Variants in ABAT observed in about 807,000 individuals in gnomAD.
ABAT encodes the protein 4-aminobutyrate aminotransferase.
A neutral mutation model predicts 64.6 loss-of-function variants in ABAT; 45 were observed. The observed-to-expected ratio is 0.70, with a 90% CI of 0.55 to 0.89. The LOEUF is 0.89. ABAT is among the 40% of genes least tolerant of loss of function. ABAT has a pLI of 0.00. For missense variants in ABAT, 633 were observed against 658.4 expected (o/e 0.96, Z 0.42); for synonymous variants, 297 against 250.5 (o/e 1.19, Z -1.75).
intron 2 of ABAT, among the ~76,000 whole-genome samples, chr16:8,743,391 C>A (rs1157023241): frequency 3.4e-5 from 4 of 116,930 alleles, no homozygotes; most frequent in Non-Finnish European, 5.0e-5. Flanking sequence ...CTTCTCTGAG[C>A]TTTAGAGTCC....
chr16:8,764,184 A>T lies in ABAT; in HGVS notation c.447+35A>T. 6.4e-7 allele frequency: 1 copy of T among 1,569,578 alleles called. No individual in the cohort carries two copies. The highest frequency in any genetic ancestry group is 1.1e-5 in the South Asian group (1 of 90,118). On this transcript the variant is annotated intron_variant, in intron 7 of 15. Coordinates refer to ENST00000268251, the MANE Select transcript of ABAT (RefSeq NM_020686.6). This position sits in a 1 kb window ranked among gnomAD's most constrained non-coding sequence, Gnocchi z 4.2. ...GGAGAAGCAATCCCATTGTCTTCAGACGTGGTACTGGCAGGGGAAGGGAAA... is the reference window on the plus strand; with the variant it reads ...GGAGAAGCAATCCCATTGTCTTCAGTCGTGGTACTGGCAGGGGAAGGGAAA...
intron 4 of ABAT, among the ~76,000 whole-genome samples, chr16:8,749,246 C>A (rs1270792623): frequency 6.6e-6 from 1 of 151,790 alleles, no homozygotes; most frequent in Non-Finnish European, 1.5e-5. Flanking sequence ...CGCCTCCACA[C>A]CCAGCTAATT....
intron 1 of ABAT, among the ~76,000 whole-genome samples, chr16:8,728,274 T>C (rs2058616650): frequency 6.6e-6 from 1 of 152,228 alleles, no homozygotes. Context: ...AATTTTCAAC[T>C]GCAGGCCACC....
Position 8,764,161 on chromosome 16 carries a change from A to T in ABAT, c.447+12A>T, listed in dbSNP as rs2142920603. ...AGTCCTTGCTCTCGGTGAGTTCTGG[A>T]GAAGCAATCCCATTGTCTTCAGACG... On this transcript the variant is annotated intron_variant, in intron 7 of 15. Transcript: ENST00000268251. This position sits in a 1 kb window ranked among gnomAD's most constrained non-coding sequence, Gnocchi z 4.2. The T allele has an allele frequency of 5.6e-6, 9 of 1,610,684 alleles. No individual in the cohort carries two copies. The highest frequency in any genetic ancestry group is 7.6e-6 in the Non-Finnish European group (9 of 1,177,834).
chr16:8,685,811 G>A (rs141638408), intron 1 of ABAT, among the ~76,000 whole-genome samples: 65 of 152,302 alleles, frequency 4.3e-4, no homozygotes, highest in African/African-American at 1.5e-3. Flanking sequence ...ATCATGTCCC[G>A]CCAGGTGACC....
At chr16:8,770,713 T>A (rs968228367) in intron 11 of ABAT, among the ~76,000 whole-genome samples, 6 of 152,216 alleles carry the variant, frequency 3.9e-5, no homozygotes, top group African/African-American at 1.4e-4. Flanking sequence ...ATTGCTGGGA[T>A]TACAGGTGTG....
At chr16:8,746,284 T>G (rs1159683440) in intron 3 of ABAT, among the ~76,000 whole-genome samples, 186 bp downstream of exon 3, 1 of 152,040 alleles carries the variant, frequency 6.6e-6, no homozygotes, top group Non-Finnish European at 1.5e-5. Flanking sequence ...CTGGGCGCGG[T>G]GGCTGACGCT....
rs149713418 is a variant in ABAT at position 8,763,042 on chromosome 16, G to T, written c.367-1027G>T. 7.1e-4 allele frequency among the ~76,000 whole-genome samples: 106 copies of T among 150,082 alleles called. 1 individual carries two copies. Among genetic ancestry groups the T allele is most frequent in the African/African-American group, 2.5e-3 (103 of 40,756 alleles). On this transcript the variant is annotated intron_variant, in intron 6 of 15. Coordinates refer to ENST00000268251, the MANE Select transcript of ABAT (RefSeq NM_020686.6). ...GAGGATCACTTGAGTCTCGGAGGTT[G>T]AGGCTGCAGTAAGCTGATATCACGC... is the stretch of plus-strand genomic sequence containing the variant.
chr16:8,778,183 C>A (rs943928685), intron 14 of ABAT, among the ~76,000 whole-genome samples: 1 of 152,182 alleles, frequency 6.6e-6, no homozygotes, highest in African/African-American at 2.4e-5. Context: ...CCAGACTAGG[C>A]ACCTGCATTT....
rs1158084095 is a variant in ABAT at position 8,743,441 on chromosome 16, A to ATATATATATATATATATATATATATATG, written c.71-2556_71-2555insTATATATATATATATATATATATGTATA. Among the ~76,000 whole-genome samples the ATATATATATATATATATATATATATATG allele has an allele frequency of 6.9e-4, 61 of 88,996 alleles. 3 individuals carry two copies. Among genetic ancestry groups the ATATATATATATATATATATATATATATG allele is most frequent in the African/African-American group, 2.2e-3 (58 of 26,520 alleles). The allele number at this position is 88,996 out of a possible 152,430, so 58.4% of individuals were successfully genotyped here. On this transcript the variant is annotated intron_variant, in intron 2 of 15. Transcript: ENST00000268251. The stretch of plus-strand genomic sequence containing the variant: ...GAAACAGTTATATATATATATATAT[A>ATATATATATATATATATATATATATATG]TATACACACATTTTATAATATATTA...
chr16:8,709,966 G>T (rs1318045958), intron 1 of ABAT, among the ~76,000 whole-genome samples: 2 of 151,942 alleles, frequency 1.3e-5, no homozygotes, highest in Non-Finnish European at 2.9e-5. Context: ...GCCACTCATA[G>T]CTGATTTTTG....
chr16:8,759,350 A>G (rs1322154703), intron 6 of ABAT, among the ~76,000 whole-genome samples: 1 of 148,380 alleles, frequency 6.7e-6, no homozygotes, highest in Non-Finnish European at 1.5e-5. Flanking sequence ...TCCGTGCTTT[A>G]CATGGAACAG....
chr16:8,691,192 T>C (rs1180505115), intron 1 of ABAT, among the ~76,000 whole-genome samples: 1 of 152,218 alleles, frequency 6.6e-6, no homozygotes, highest in Non-Finnish European at 1.5e-5. Flanking sequence ...GGTAATATAC[T>C]GTGTACTATG....
In ABAT at chr16:8,774,929, G is replaced by A; in HGVS notation, c.994G>A (p.Gly332Arg). The A allele has an allele frequency of 6.2e-7, 1 of 1,614,158 alleles. No homozygotes were observed. The highest frequency in any genetic ancestry group is 8.5e-7 in the Non-Finnish European group (1 of 1,180,020). ...CTTGGTGGACGAGGTCCAGACCGGA[G>A]GAGGCTGCACGGGCAAGTTCTGGGC... ...AFLVDEVQTG[G>R]GCTGKFWAHE... Residue 332 changes from glycine to arginine, a missense_variant, in exon 13 of 16, where the codon GGA becomes AGA. Coordinates refer to ENST00000268251, the MANE Select transcript of ABAT (RefSeq NM_020686.6).
At chr16:8,723,827 ATTTTTTTTTT>A (rs1157410078) in intron 1 of ABAT, among the ~76,000 whole-genome samples, 4 of 40,358 alleles carry the variant, frequency 9.9e-5, no homozygotes, top group East Asian at 8.2e-4. Context: ...ATATATATAT[ATTTTTTTTTT>A]TTTTTTTTTT....
chr16:8,748,627 C>T (rs2142687872), intron 4 of ABAT, among the ~76,000 whole-genome samples: 1 of 152,156 alleles, frequency 6.6e-6, no homozygotes, highest in African/African-American at 2.4e-5. Flanking sequence ...TATGGAGTGC[C>T]AGATGTTGAC....
intron 5 of ABAT, among the ~76,000 whole-genome samples, chr16:8,757,533 C>A (rs1192386239): frequency 6.6e-6 from 1 of 152,142 alleles, no homozygotes; most frequent in African/African-American, 2.4e-5. Flanking sequence ...TCAGAATCTC[C>A]TAGAGAATTT....
intron 12 of ABAT, among the ~76,000 whole-genome samples, chr16:8,774,135 G>T (rs1283019328): frequency 6.6e-6 from 1 of 152,076 alleles, no homozygotes; most frequent in Non-Finnish European, 1.5e-5. Flanking sequence ...CGCCATGTTG[G>T]CCAGGCTGAT....
chr16:8,730,092 C>G (rs1413729893), intron 1 of ABAT, among the ~76,000 whole-genome samples: 2 of 152,176 alleles, frequency 1.3e-5, no homozygotes, highest in African/African-American at 4.8e-5. Flanking sequence ...CTGTCTCTGT[C>G]TTCTAGGAGC....
Sources: allele counts gnomAD v4.1 joint callset (sites outside exome capture counted in the v4.1 genomes callset), GRCh38; gene constraint gnomAD v4.1.1; non-coding constraint Gnocchi (gnomAD v3.1); transcripts MANE v1.5; gene names NCBI Gene and HGNC (gene_info 2026-07-23, HGNC 2026-07-21).